RUNX2: variants seen among roughly 807,000 people sequenced by gnomAD.
The protein encoded by RUNX2 is runt-related transcription factor 2.
Under a neutral mutation model 51.7 loss-of-function variants are expected in RUNX2, and 10 were observed. The ratio of observed to expected loss-of-function variants is 0.19; its 90% confidence interval spans 0.12 to 0.33. The LOEUF is 0.33. Among genes scored for constraint, RUNX2 ranks in the 10% least tolerant of loss-of-function variants. RUNX2 has a pLI of 1.00. For synonymous variants in RUNX2, 276 were observed against 273.6 expected, an observed-to-expected ratio of 1.01 and a Z score of -0.09; for missense variants, 562 against 691.3, an observed-to-expected ratio of 0.81 and a Z score of 2.10.
intron 2 of RUNX2, among the ~76,000 whole-genome samples, chr6:45,364,420 T>C (rs1259537937): frequency 6.6e-6 from 1 of 152,190 alleles, no homozygotes; most frequent in Non-Finnish European, 1.5e-5. Context: ...TCAACAGATA[T>C]ATTCTTTTCA....
At chr6:45,375,887 T>C (rs1332918231) in intron 2 of RUNX2, among the ~76,000 whole-genome samples, 3 of 152,094 alleles carry the variant, frequency 2.0e-5, no homozygotes, top group Admixed American at 6.5e-5. Context: ...ATCTATTACC[T>C]AATTTCACTT....
At chr6:45,438,326 A>G (rs1000021390) in intron 5 of RUNX2, among the ~76,000 whole-genome samples, 7 of 152,234 alleles carry the variant, frequency 4.6e-5, no homozygotes, top group African/African-American at 1.4e-4. Context: ...CTATTTGCTA[A>G]GAAATTTTGC....
Position 45,355,262 on chromosome 6 carries a change from C to A in RUNX2, c.58+26478C>A, listed in dbSNP as rs551254040. 7.9e-5 allele frequency among the ~76,000 whole-genome samples: 12 copies of A among 151,714 alleles called. No homozygotes were observed. The South Asian group carries it at 2.5e-3, about 32-fold the overall frequency. On this transcript the variant is annotated intron_variant, in intron 2 of 8. Coordinates refer to ENST00000647337, the MANE Select transcript of RUNX2 (RefSeq NM_001024630.4). Reference sequence around the variant, plus strand: ...CAGGCATGAGCCACCATGCCCAGCTCCAATAAGCACTTTAATTTAATTTAA... The same window carrying A: ...CAGGCATGAGCCACCATGCCCAGCTACAATAAGCACTTTAATTTAATTTAA...
chr6:45,472,434 C>T (rs1477362937), intron 5 of RUNX2, among the ~76,000 whole-genome samples: 1 of 152,182 alleles, frequency 6.6e-6, no homozygotes, highest in Non-Finnish European at 1.5e-5. Context: ...TCCCATTCTG[C>T]CAAATATTCC....
At chr6:45,434,295 C>A (rs797016019) in intron 4 of RUNX2, among the ~76,000 whole-genome samples, 4 of 152,256 alleles carry the variant, frequency 2.6e-5, no homozygotes, top group African/African-American at 9.6e-5. Context: ...ACTCTTCCAG[C>A]TTCCTCTTTG....
Position 45,420,656 on chromosome 6 carries a change from C to T in RUNX2, c.59-1937C>T, listed in dbSNP as rs965062596. Among the ~76,000 whole-genome samples, 7 of 152,270 alleles carry T rather than the reference C, an allele frequency of 4.6e-5. No homozygotes were observed. In the East Asian group the frequency reaches 5.8e-4, roughly 13 times the overall value. On this transcript the variant is annotated intron_variant, in intron 2 of 8. Coordinates refer to ENST00000647337, the MANE Select transcript of RUNX2 (RefSeq NM_001024630.4). ...TTTTTTTCGCAAACACGTTTTCAAG[C>T]TTTGGAAGGCTTTAAAGAGTTTGGT...
chr6:45,517,919 C>T (rs189127318), intron 7 of RUNX2, among the ~76,000 whole-genome samples: 1 of 152,218 alleles, frequency 6.6e-6, no homozygotes, highest in East Asian at 1.9e-4. Flanking sequence ...ATCAAGTCCA[C>T]CGAGTCAAGT....
chr6:45,403,229 C>CTTTTTTTT (rs201142802), intron 2 of RUNX2, among the ~76,000 whole-genome samples: 5 of 108,824 alleles, frequency 4.6e-5, no homozygotes, highest in Non-Finnish European at 7.9e-5. Context: ...GTTTGAGTTT[C>CTTTTTTTT]TTTTTTTTTT....
intron 2 of RUNX2, among the ~76,000 whole-genome samples, chr6:45,398,094 A>G (rs1797620537): frequency 6.6e-6 from 1 of 152,194 alleles, no homozygotes; most frequent in Non-Finnish European, 1.5e-5. Context: ...TCTGGGACAC[A>G]TGGACATAGA....
chr6:45,496,675 G>A (rs1222118139), intron 6 of RUNX2, among the ~76,000 whole-genome samples: 3 of 152,204 alleles, frequency 2.0e-5, no homozygotes, highest in Non-Finnish European at 2.9e-5. Flanking sequence ...CTTGGGTTTA[G>A]TTCTGATTGT....
intron 2 of RUNX2, among the ~76,000 whole-genome samples, chr6:45,379,439 A>T (rs1368967068): frequency 6.6e-6 from 1 of 152,220 alleles, no homozygotes; most frequent in Non-Finnish European, 1.5e-5. Flanking sequence ...AATTAAAATT[A>T]TGTTCAGTTA....
intron 6 of RUNX2, among the ~76,000 whole-genome samples, chr6:45,508,407 T>C (rs1801044933): frequency 6.6e-6 from 1 of 152,108 alleles, no homozygotes; most frequent in Non-Finnish European, 1.5e-5. Context: ...TTTGTGTTTT[T>C]AGTAGAGACA....
intron 4 of RUNX2, among the ~76,000 whole-genome samples, chr6:45,435,913 T>C (rs2150370532): frequency 6.6e-6 from 1 of 152,342 alleles, no homozygotes; most frequent in South Asian, 2.1e-4. Context: ...TCCATTGTTT[T>C]GAGGTTCTAA....
chr6:45,417,975 G>C (rs1475183517), intron 2 of RUNX2, among the ~76,000 whole-genome samples: 1 of 152,202 alleles, frequency 6.6e-6, no homozygotes, highest in African/African-American at 2.4e-5. Flanking sequence ...TTCAAGGGCT[G>C]AGTAACCTTC....
At chr6:45,526,934 T>C (rs982601075) in intron 7 of RUNX2, among the ~76,000 whole-genome samples, 2 of 152,224 alleles carry the variant, frequency 1.3e-5, no homozygotes, top group African/African-American at 4.8e-5. Context: ...CTTAGAATAA[T>C]GCCTGATGCT....
At chr6:45,380,519 A>T (rs2150342075) in intron 2 of RUNX2, among the ~76,000 whole-genome samples, 1 of 152,344 alleles carries the variant, frequency 6.6e-6, no homozygotes, top group East Asian at 1.9e-4. Flanking sequence ...TTCTCAAAAG[A>T]GCAGCAGAAG....
chr6:45,517,307 G>C (rs1434764894), intron 7 of RUNX2, among the ~76,000 whole-genome samples: 2 of 152,022 alleles, frequency 1.3e-5, no homozygotes, highest in Admixed American at 1.3e-4. Context: ...TCAGCCTCCT[G>C]AGTAGCTGGG....
At chr6:45,366,116 C>T (rs979351935) in intron 2 of RUNX2, among the ~76,000 whole-genome samples, 6 of 152,084 alleles carry the variant, frequency 3.9e-5, no homozygotes, top group Non-Finnish European at 8.8e-5. Flanking sequence ...GCTCAATAAA[C>T]ATTAGTTATT....
At chr6:45,404,660 G>C (rs1349494806) in intron 2 of RUNX2, among the ~76,000 whole-genome samples, 1 of 152,204 alleles carries the variant, frequency 6.6e-6, no homozygotes, top group African/African-American at 2.4e-5. Context: ...AGACAGACCT[G>C]ATTATTACTA....
Sources: allele counts gnomAD v4.1 joint callset (sites outside exome capture counted in the v4.1 genomes callset), GRCh38; gene constraint gnomAD v4.1.1; transcripts MANE v1.5; gene names NCBI Gene and HGNC (gene_info 2026-07-23, HGNC 2026-07-21).